Variants in SNTG1 observed in about 807,000 individuals in gnomAD.
The protein encoded by SNTG1 is syntrophin gamma 1, also known as gamma-1-syntrophin.
SNTG1 carries 39 observed loss-of-function variants against 74.7 expected under a neutral mutation model. That is an observed-to-expected ratio of 0.52 (90% CI 0.40 to 0.68). The LOEUF (loss-of-function observed/expected upper bound fraction) is 0.68. Ranked by LOEUF, SNTG1 falls within the 30% of genes least tolerant of loss-of-function variation. The pLI is 0.00. For missense variants in SNTG1, 685 were observed against 609.5 expected (o/e 1.12, Z -1.30); for synonymous variants, 254 against 217.1 (o/e 1.17, Z -1.49).
chr8:49,968,143 A>AGAT (rs1317726963), intron 1 of SNTG1, among the ~76,000 whole-genome samples: 2 of 152,162 alleles, frequency 1.3e-5, no homozygotes, highest in East Asian at 3.9e-4. Flanking sequence ...TTGGAAGGAA[A>AGAT]GATTTTGGGC....
intron 15 of SNTG1, among the ~76,000 whole-genome samples, chr8:50,674,603 T>C (rs2095301331): frequency 6.6e-6 from 1 of 150,648 alleles, no homozygotes; most frequent in Admixed American, 6.6e-5. Flanking sequence ...CTATTTTGTT[T>C]TTTCAAAAAA....
At chr8:50,659,763 CAG>C (rs2095207469) in intron 15 of SNTG1, among the ~76,000 whole-genome samples, 1 of 152,150 alleles carries the variant, frequency 6.6e-6, no homozygotes, top group African/African-American at 2.4e-5. Context: ...ATTTCTTAAA[CAG>C]AGGCTAGTAT....
chr8:50,215,095 A>AGTCCCGGAAGAT (rs2084715019), intron 2 of SNTG1, among the ~76,000 whole-genome samples: 1 of 152,096 alleles, frequency 6.6e-6, no homozygotes, highest in Non-Finnish European at 1.5e-5. Context: ...CCAGATGGCC[A>AGTCCCGGAAGAT]CATGTGCACC....
At chr8:50,100,377 G>A (rs890317328) in intron 1 of SNTG1, among the ~76,000 whole-genome samples, 1 of 152,004 alleles carries the variant, frequency 6.6e-6, no homozygotes, top group Non-Finnish European at 1.5e-5. Flanking sequence ...GATGACTATA[G>A]TTAACAATAA....
chr8:50,011,179 A>G (rs1317154154), intron 1 of SNTG1, among the ~76,000 whole-genome samples: 2 of 152,150 alleles, frequency 1.3e-5, no homozygotes, highest in Admixed American at 6.5e-5. Flanking sequence ...GAAATCTTTT[A>G]AAGAACTAGA....
chr8:50,421,718 GC>G (rs2093090193), intron 4 of SNTG1, among the ~76,000 whole-genome samples: 1 of 151,968 alleles, frequency 6.6e-6, no homozygotes, highest in Admixed American at 6.6e-5. Flanking sequence ...TAGGCTCTTG[GC>G]CCCCTAAAGG....
At chr8:50,150,062 T>A (rs1586487651) in intron 1 of SNTG1, among the ~76,000 whole-genome samples, 1 of 151,948 alleles carries the variant, frequency 6.6e-6, no homozygotes, top group Non-Finnish European at 1.5e-5. Flanking sequence ...TATCCTCTTT[T>A]TTTCATTAAG....
chr8:50,003,674 G>C (rs867406513), intron 1 of SNTG1, among the ~76,000 whole-genome samples: 2 of 151,982 alleles, frequency 1.3e-5, no homozygotes, highest in Non-Finnish European at 2.9e-5. Flanking sequence ...TTTTTCTGTT[G>C]TAATTACTTG....
intron 2 of SNTG1, among the ~76,000 whole-genome samples, chr8:50,229,242 T>G (rs2085492764): frequency 6.6e-6 from 1 of 151,606 alleles, no homozygotes; most frequent in South Asian, 2.1e-4. Context: ...TGCTTAAGTA[T>G]GGTAAATATT....
At chr8:50,585,931 G>T (rs1378229699) in intron 12 of SNTG1, among the ~76,000 whole-genome samples, 1 of 152,144 alleles carries the variant, frequency 6.6e-6, no homozygotes, top group Non-Finnish European at 1.5e-5. Context: ...GAGAATGGTT[G>T]TAAACAGAAA....
intron 18 of SNTG1, among the ~76,000 whole-genome samples, chr8:50,761,619 A>G (rs1268895482): frequency 2.0e-5 from 3 of 147,168 alleles, no homozygotes; most frequent in Non-Finnish European, 3.0e-5. Flanking sequence ...TTTTTTCATG[A>G]TCTGTGGTTT....
rs949730306 is a variant in SNTG1, at chr8:50,779,085, A to G, written c.1396-13586A>G. 2.0e-5 allele frequency among the ~76,000 whole-genome samples: 3 copies of G among 152,248 alleles called. No individual in the cohort carries two copies. The East Asian group carries it at 5.8e-4, about 29-fold the overall frequency. On this transcript the variant is annotated intron_variant, in intron 18 of 18. Coordinates refer to ENST00000642720, the MANE Select transcript of SNTG1 (RefSeq NM_018967.5). ...GTATCTCTGTTTTGGTACCAGTACC[A>G]TGCTGTTTTGGTTACTGTAGCCTTG...
chr8:49,965,331 T>G (rs1811045397), intron 1 of SNTG1, among the ~76,000 whole-genome samples: 1 of 152,192 alleles, frequency 6.6e-6, no homozygotes, highest in African/African-American at 2.4e-5. Context: ...ATACTCCTTT[T>G]TATATGAGTT....
intron 9 of SNTG1, among the ~76,000 whole-genome samples, chr8:50,520,106 G>A (rs1343425219): frequency 6.6e-6 from 1 of 152,140 alleles, no homozygotes; most frequent in Non-Finnish European, 1.5e-5. Context: ...CAGACCAGTG[G>A]AACAGAACTG....
intron 9 of SNTG1, among the ~76,000 whole-genome samples, chr8:50,523,121 T>A (rs1282105615): frequency 1.3e-5 from 2 of 152,168 alleles, no homozygotes; most frequent in African/African-American, 2.4e-5. Flanking sequence ...TTTTTTTCTG[T>A]ACCTTCCTCA....
intron 15 of SNTG1, among the ~76,000 whole-genome samples, chr8:50,670,544 G>A (rs1321150917): frequency 2.0e-5 from 3 of 149,668 alleles, no homozygotes; most frequent in East Asian, 1.9e-4. Flanking sequence ...AATGAAAGAG[G>A]ATACAAACAA....
At chr8:49,965,164 C>T (rs1314376607) in intron 1 of SNTG1, among the ~76,000 whole-genome samples, 2 of 152,062 alleles carry the variant, frequency 1.3e-5, no homozygotes, top group Admixed American at 6.6e-5. Context: ...TGATATTTGC[C>T]ATTAATTCTG....
At chr8:50,419,131 C>T (rs538164973) in intron 4 of SNTG1, among the ~76,000 whole-genome samples, 1 of 152,040 alleles carries the variant, frequency 6.6e-6, no homozygotes, top group Non-Finnish European at 1.5e-5. Flanking sequence ...CTCAAATATC[C>T]CAGATTGGTT....
intron 15 of SNTG1, among the ~76,000 whole-genome samples, chr8:50,681,025 A>G (rs573336923): frequency 6.6e-6 from 1 of 152,288 alleles, no homozygotes; most frequent in African/African-American, 2.4e-5. Flanking sequence ...AATGCTTTCA[A>G]GTAAAAAAAA....
Sources: gnomAD v4.1 joint callset for allele counts (sites outside exome capture counted in the v4.1 genomes callset) on GRCh38, gnomAD v4.1.1 for gene constraint, MANE v1.5 for transcripts, NCBI Gene and HGNC (gene_info 2026-07-23, HGNC 2026-07-21) for gene names.